Variants in ZNF335 observed in about 807,000 individuals in gnomAD.
ZNF335 encodes NRC-interacting factor 1.
In ZNF335, 84 loss-of-function variants were observed where a neutral mutation model predicts 145.6. The observed-to-expected ratio is 0.58, with a 90% CI of 0.48 to 0.69. The LOEUF is 0.69. Among genes scored for constraint, ZNF335 ranks in the 30% least tolerant of loss-of-function variants. ZNF335 has a pLI of 0.00. For missense variants in ZNF335, 1,865 were observed against 1,809.7 expected (o/e 1.03, Z -0.55); for synonymous variants, 761 against 717.0 (o/e 1.06, Z -0.98).
chr20:45,959,238 G>T lies in ZNF335; in HGVS notation c.2216C>A (p.Ala739Asp). ...IEELKQQHSA[A>D]PGPPPSSPGP... is the part of the protein sequence containing the mutation. Reference sequence around the variant, plus strand: ...TGGGGAACTGGGAGGTGGTCCAGGGGCCGCACTGTGCTGCTGCTTCAGCTC... The same window carrying T: ...TGGGGAACTGGGAGGTGGTCCAGGGTCCGCACTGTGCTGCTGCTTCAGCTC... The change falls in exon 15 of 28, where the codon GCC becomes GAC. Residue 739 changes from alanine (A) to aspartate (D), a missense_variant. Coordinates refer to ENST00000322927, the MANE Select transcript of ZNF335 (RefSeq NM_022095.4). 6.9e-7 allele frequency: 1 copy of T among 1,447,466 alleles called. No individual in the cohort carries two copies. Among genetic ancestry groups the T allele is most frequent in the Non-Finnish European group, 9.2e-7 (1 of 1,086,656 alleles). The allele number at this position is 1,447,466 out of a possible 1,614,324, so 89.7% of individuals were successfully genotyped here. A position where few individuals can be genotyped will look rare whatever the true frequency, so the allele number is the denominator to read the frequency against.
rs530819681 is a variant in ZNF335, at chr20:45,949,788, C to T, written c.3669+12G>A. On this transcript the variant is annotated intron_variant, in intron 24 of 27. Coordinates refer to ENST00000322927, the MANE Select transcript of ZNF335 (RefSeq NM_022095.4). The stretch of plus-strand genomic sequence containing the variant: ...TCACAGCTGAGGGGATTAACAGTAG[C>T]TAGTAGCTCACCTGGTTGTCGGAGG... 1.2e-6 allele frequency: 2 copies of T among 1,613,978 alleles called. No individual in the cohort carries two copies. Among genetic ancestry groups the T allele is most frequent in the African/African-American group, 1.3e-5 (1 of 75,020 alleles).
Position 45,948,995 on chromosome 20 carries a change from G to C in ZNF335, c.3987C>G (p.His1329Gln). Residue 1329 changes from histidine to glutamine, a missense_variant, in exon 28 of 28, where the codon CAC (histidine) becomes CAG (glutamine). Physicochemically the swap from His to Gln is conservative, Grantham distance 24 (BLOSUM62 0). Coordinates refer to ENST00000322927, the MANE Select transcript of ZNF335 (RefSeq NM_022095.4). ...TGATGACGTCGTACTCGATGCCCTG[G>C]TGCTGCAGCTGTTGAATGTGTTCGG... Reference protein sequence around the residue: ...TVPEHIQQLQHQGIEYDVITL... With the variant: ...TVPEHIQQLQQQGIEYDVITL... 1.9e-6 allele frequency: 3 copies of C among 1,613,954 alleles called. No homozygotes were observed. The highest frequency in any genetic ancestry group is 2.5e-6 in the Non-Finnish European group (3 of 1,180,032).
intron 9 of ZNF335, among the ~76,000 whole-genome samples, chr20:45,962,703 T>A (rs544853625): frequency 6.6e-6 from 1 of 152,234 alleles, no homozygotes; most frequent in East Asian, 1.9e-4. Flanking sequence ...TACGACCTCA[T>A]TGGGCTGCAA....
At chr20:45,963,447 G>A (rs370003193) in intron 9 of ZNF335, 26 bp downstream of exon 9, 3 of 1,598,456 alleles carry the variant, frequency 1.9e-6, no homozygotes, top group African/African-American at 1.3e-5. Flanking sequence ...CCTCCCATGA[G>A]CCCCAAGCCT....
intron 27 of ZNF335, 28 bp downstream of exon 27, chr20:45,949,142 C>G (rs377756099): frequency 6.2e-7 from 1 of 1,613,432 alleles, no homozygotes; most frequent in South Asian, 1.1e-5. Context: ...ATACCCAGCC[C>G]CATGCTCCTC....
intron 9 of ZNF335, 54 bp from the exon 10 acceptor site, chr20:45,962,236 C>G: frequency 7.2e-7 from 1 of 1,387,350 alleles, no homozygotes; most frequent in Non-Finnish European, 1.0e-6. Context: ...TCTCCCATCC[C>G]CGTCCCCACC....
intron 20 of ZNF335, among the ~76,000 whole-genome samples, chr20:45,951,517 G>C (rs2083631467): frequency 6.6e-6 from 1 of 152,238 alleles, no homozygotes; most frequent in South Asian, 2.1e-4. Flanking sequence ...TGTGCAGGGT[G>C]ATAGTTTTGG....
rs1219543524 is a variant in ZNF335, at chr20:45,960,731, G to A, written c.1667C>T (p.Thr556Ile). ...GCAGGGGAAAGAGCTCAGCTTTGGA[G>A]TCTAGGAAGGCATAAGAAGGGGCCA... ...SRDRKKRPDP[T>I]PKLSSFPCPV... Residue 556 changes from threonine (T) to isoleucine (I), a missense_variant and splice_region_variant, in exon 12 of 28, where the codon ACT (threonine) becomes ATT (isoleucine). By Grantham distance (89) the Thr-to-Ile change is moderately conservative. Coordinates refer to ENST00000322927, the MANE Select transcript of ZNF335 (RefSeq NM_022095.4). 6.2e-7 allele frequency: 1 copy of A among 1,613,728 alleles called. No homozygotes were observed. The highest frequency in any genetic ancestry group is 8.5e-7 in the Non-Finnish European group (1 of 1,179,798).
chr20:45,952,140 C>T lies in ZNF335; in HGVS notation c.3189+7G>A, dbSNP rs752331390. The T allele has an allele frequency of 4.3e-5, 69 of 1,588,628 alleles. No homozygotes were observed. In the South Asian group the frequency reaches 7.6e-4, roughly 17 times the overall value. ...ACAGCAGAGACACAGGAGCAACCAG[C>T]ACCTACCCGGACCTCGGGCCACTGG... On this transcript the variant is annotated splice_region_variant and intron_variant, in intron 20 of 27. Coordinates refer to ENST00000322927, the MANE Select transcript of ZNF335 (RefSeq NM_022095.4).
chr20:45,949,592 G>A (rs752824823), intron 24 of ZNF335, 24 bp from the exon 25 acceptor site: 1 of 1,596,118 alleles, frequency 6.3e-7, no homozygotes, highest in South Asian at 1.1e-5. Flanking sequence ...GGGCGGGCAT[G>A]GCGAGGCAGG....
chr20:45,969,524 T>G lies in ZNF335; in HGVS notation c.369A>C (p.Thr123=). ...CCGAGCCCAGGTCCGAGGAGGAAGCTGTGCAGTCGGACACCAGCATGTTGG... is the reference window on the plus strand; with the variant it reads ...CCGAGCCCAGGTCCGAGGAGGAAGCGGTGCAGTCGGACACCAGCATGTTGG... ...PDPNMLVSDC[T]ASSSDLGSAI... The change falls in exon 3 of 28, where the codon ACA becomes ACC. Residue 123 remains threonine (T), a synonymous_variant. Coordinates refer to ENST00000322927, the MANE Select transcript of ZNF335 (RefSeq NM_022095.4). 6.3e-7 allele frequency: 1 copy of G among 1,587,168 alleles called. No individual in the cohort carries two copies. The highest frequency in any genetic ancestry group is 8.6e-7 in the Non-Finnish European group (1 of 1,158,188).
Position 45,971,440 on chromosome 20 carries a change from G to T in ZNF335, c.-30C>A. ...TCGGCGGGCTGCCTGACAGCGGGGCGTAGGGTCTGGGAACTTCACTCTGAG... is the reference window on the plus strand; with the variant it reads ...TCGGCGGGCTGCCTGACAGCGGGGCTTAGGGTCTGGGAACTTCACTCTGAG... On this transcript the variant is annotated 5_prime_UTR_variant, in exon 2 of 28. Coordinates refer to ENST00000322927, the MANE Select transcript of ZNF335 (RefSeq NM_022095.4). The T allele has an allele frequency of 6.3e-7, 1 of 1,596,384 alleles. No homozygotes were observed. The highest frequency in any genetic ancestry group is 8.5e-7 in the Non-Finnish European group (1 of 1,178,658).
intron 1 of ZNF335, chr20:45,971,779 G>A: frequency 7.1e-6 from 7 of 985,186 alleles, no homozygotes; most frequent in Non-Finnish European, 8.4e-6. Context: ...TTCGGCCCCC[G>A]CGTCCCCCCG....
chr20:45,949,776 G>C lies in ZNF335; in HGVS notation c.3669+24C>G, dbSNP rs766190081. 9 of 1,613,312 alleles carry C rather than the reference G, an allele frequency of 5.6e-6. No homozygotes were observed. In the South Asian group the frequency reaches 6.6e-5, roughly 12 times the overall value. On this transcript the variant is annotated intron_variant, in intron 24 of 27. Transcript: ENST00000322927. ...GAGGGTAGGAGGTCACAGCTGAGGG[G>C]ATTAACAGTAGCTAGTAGCTCACCT...
chr20:45,949,119 A>G, intron 27 of ZNF335, 39 bp from the exon 28 acceptor site: 4 of 1,613,476 alleles, frequency 2.5e-6, no homozygotes, highest in Non-Finnish European at 3.4e-6. Context: ...CTGGAGGCTC[A>G]AGAGCTGGGT....
Position 45,948,986 on chromosome 20 carries a change from G to A in ZNF335, c.3996C>T (p.Ile1332=), listed in dbSNP as rs775842417. Reference sequence around the variant, plus strand: ...CGGCCAGGGTGATGACGTCGTACTCGATGCCCTGGTGCTGCAGCTGTTGAA... The same window carrying A: ...CGGCCAGGGTGATGACGTCGTACTCAATGCCCTGGTGCTGCAGCTGTTGAA... ...EHIQQLQHQG[I]EYDVITLADD Residue 1332 remains isoleucine (I), a synonymous_variant, in exon 28 of 28, where the codon ATC becomes ATT. Coordinates refer to ENST00000322927, the MANE Select transcript of ZNF335 (RefSeq NM_022095.4). The A allele has an allele frequency of 6.8e-6, 11 of 1,613,828 alleles. No individual in the cohort carries two copies. Among genetic ancestry groups the A allele is most frequent in the Non-Finnish European group, 9.3e-6 (11 of 1,180,052 alleles).
intron 20 of ZNF335, 74 bp from the exon 21 acceptor site, chr20:45,950,669 C>G (rs528513728): frequency 4.4e-5 from 69 of 1,583,320 alleles, no homozygotes; most frequent in Middle Eastern, 2.0e-4. Context: ...TCCCTGCTGA[C>G]AGCTGGTCAG....
intron 17 of ZNF335, among the ~76,000 whole-genome samples, chr20:45,955,283 G>A (rs1161152734): frequency 1.4e-5 from 2 of 138,060 alleles, no homozygotes; most frequent in African/African-American, 2.7e-5. Flanking sequence ...CCCGGGAGGC[G>A]GAGGTTGCAG....
chr20:45,959,376 A>G lies in ZNF335; in HGVS notation c.2078T>C (p.Leu693Pro). Reference protein sequence around the residue: ...CHFSTRHKKNLRLHVRCRHAS... With the variant: ...CHFSTRHKKNPRLHVRCRHAS... ...GTGTCGGCACCGTACGTGCAGGCGC[A>G]GGTTCTTCTTGTGCCGTGTGCTGAA... The change falls in exon 15 of 28, where the codon CTG becomes CCG. Residue 693 changes from leucine to proline, a missense_variant. By Grantham distance (98) the Leu-to-Pro change is moderately conservative. Transcript: ENST00000322927. 1.3e-6 allele frequency: 2 copies of G among 1,575,794 alleles called. No homozygotes were observed. The highest frequency in any genetic ancestry group is 1.7e-6 in the Non-Finnish European group (2 of 1,156,158).
Sources: allele counts gnomAD v4.1 joint callset (sites outside exome capture counted in the v4.1 genomes callset), GRCh38; gene constraint gnomAD v4.1.1; transcripts MANE v1.5; gene names NCBI Gene and HGNC (gene_info 2026-07-23, HGNC 2026-07-21).